The following PVT1 variants were observed in gnomAD, a reference collection of about 807,000 sequenced individuals.
PVT1 encodes Pvt1 oncogene, also known as CXCR4/PVT1 fusion.
intron 2 of PVT1, among the ~76,000 whole-genome samples, chr8:127,878,046 A>G (rs1418425014): frequency 6.6e-6 from 1 of 152,178 alleles, no homozygotes; most frequent in African/African-American, 2.4e-5. Context: ...TTCTGTAAAG[A>G]ACTGTCACCT....
intron 2 of PVT1, among the ~76,000 whole-genome samples, chr8:127,845,639 G>C (rs1444588044): frequency 6.6e-6 from 1 of 152,168 alleles, no homozygotes; most frequent in Admixed American, 6.5e-5. Flanking sequence ...TACCGGATGG[G>C]ATTATGCAAG....
chr8:127,975,140 A>G (rs1170467845), intron 3 of PVT1, among the ~76,000 whole-genome samples: 1 of 152,212 alleles, frequency 6.6e-6, no homozygotes, highest in East Asian at 1.9e-4. Context: ...TCGTGCATAT[A>G]ACCTTTTTCT....
At chr8:127,841,071 GCTGTCTTTGAGTC>G (rs1489497272) in intron 2 of PVT1, among the ~76,000 whole-genome samples, 9 of 152,186 alleles carry the variant, frequency 5.9e-5, no homozygotes, top group Admixed American at 5.9e-4. Context: ...AACAATGCTT[GCTGTCTTTGAGTC>G]CTCAGTCCTG....
chr8:128,040,469 T>C (rs1451160019), intron 4 of PVT1, among the ~76,000 whole-genome samples: 1 of 152,218 alleles, frequency 6.6e-6, no homozygotes, highest in Admixed American at 6.5e-5. Flanking sequence ...TCTGTCTCTC[T>C]CTTCAACATA....
intron 2 of PVT1, among the ~76,000 whole-genome samples, chr8:127,806,401 C>T (rs1814529802): frequency 6.6e-6 from 1 of 151,988 alleles, no homozygotes; most frequent in Admixed American, 6.6e-5. Context: ...GCATAGGTTG[C>T]AGTGAACCCA....
chr8:128,013,603 G>A (rs1376589700), intron 4 of PVT1, among the ~76,000 whole-genome samples: 1 of 152,190 alleles, frequency 6.6e-6, no homozygotes, highest in African/African-American at 2.4e-5. Flanking sequence ...GAGGACAGAT[G>A]ATGACAAGAG....
chr8:127,883,040 C>T (rs1361418567), intron 2 of PVT1, among the ~76,000 whole-genome samples: 5 of 145,240 alleles, frequency 3.4e-5, no homozygotes, highest in Admixed American at 7.1e-5. Context: ...CACACTTGCA[C>T]GCACACATGC....
chr8:128,036,128 T>A (rs1000248526), intron 4 of PVT1, among the ~76,000 whole-genome samples: 2 of 152,216 alleles, frequency 1.3e-5, no homozygotes, highest in Non-Finnish European at 2.9e-5. Context: ...CCGAGGTAGA[T>A]CCCTGGAGTC....
At chr8:127,984,827 C>CT (rs1554602033) in intron 3 of PVT1, among the ~76,000 whole-genome samples, 31 of 126,440 alleles carry the variant, frequency 2.5e-4, no homozygotes, top group African/African-American at 7.6e-4. Flanking sequence ...AGGCTGGTTT[C>CT]TTTCTTTTCT....
At chr8:127,914,768 T>G (rs1179054658) in intron 3 of PVT1, among the ~76,000 whole-genome samples, 2 of 151,476 alleles carry the variant, frequency 1.3e-5, no homozygotes, top group African/African-American at 4.9e-5. Flanking sequence ...TAATGGTTGC[T>G]GGGGGCCATG....
chr8:127,829,429 T>C (rs2129694768), intron 2 of PVT1, among the ~76,000 whole-genome samples: 1 of 152,354 alleles, frequency 6.6e-6, no homozygotes, highest in African/African-American at 2.4e-5. Flanking sequence ...GGTAGCCAGT[T>C]CTTCTCTCCT....
intron 5 of PVT1, among the ~76,000 whole-genome samples, chr8:128,086,077 G>A (rs558616070): frequency 2.0e-5 from 3 of 152,332 alleles, no homozygotes; most frequent in African/African-American, 7.2e-5. Context: ...TTTTGCAAAA[G>A]GGATGAAGTC....
At chr8:128,041,172 GTGTT>G (rs1211811838) in intron 4 of PVT1, among the ~76,000 whole-genome samples, 1 of 148,594 alleles carries the variant, frequency 6.7e-6, no homozygotes, top group African/African-American at 2.5e-5. Flanking sequence ...GTTTCTGCAT[GTGTT>G]TGTGTTTTGT....
intron 5 of PVT1, among the ~76,000 whole-genome samples, chr8:128,092,462 C>T (rs1432647891): frequency 6.6e-6 from 1 of 152,188 alleles, no homozygotes; most frequent in African/African-American, 2.4e-5. Context: ...ATGGCAGCCC[C>T]GGCACCCTGG....
intron 4 of PVT1, among the ~76,000 whole-genome samples, chr8:128,029,506 A>G (rs1813363093): frequency 6.6e-6 from 1 of 152,210 alleles, no homozygotes; most frequent in South Asian, 2.1e-4. Context: ...GAAAACTTAA[A>G]AAATACTTGT....
At chr8:127,872,398 G>C (rs957070667) in intron 2 of PVT1, among the ~76,000 whole-genome samples, 1 of 152,224 alleles carries the variant, frequency 6.6e-6, no homozygotes, top group African/African-American at 2.4e-5. Flanking sequence ...GGGTGGCAGA[G>C]AGAGTATCCG....
At chr8:127,809,581 C>T (rs1231623339) in intron 2 of PVT1, among the ~76,000 whole-genome samples, 1 of 152,098 alleles carries the variant, frequency 6.6e-6, no homozygotes, top group Non-Finnish European at 1.5e-5. Context: ...GGTGACCAGC[C>T]TGGAGTCTCT....
intron 3 of PVT1, among the ~76,000 whole-genome samples, chr8:127,985,035 T>TTCC (rs1303288281): frequency 0.17 from 21,525 of 123,680 alleles, 5,254 homozygotes; most frequent in Non-Finnish European, 0.2. Flanking sequence ...CCTTCCTTCC[T>TTCC]TTCCTTCTTT....
At chr8:127,901,938 T>C (rs1432958671) in intron 3 of PVT1, among the ~76,000 whole-genome samples, 1 of 151,616 alleles carries the variant, frequency 6.6e-6, no homozygotes, top group African/African-American at 2.4e-5. Context: ...AAAATATCGT[T>C]AGAAATAGAA....
Sources: allele counts gnomAD v4.1 joint callset (sites outside exome capture counted in the v4.1 genomes callset), GRCh38; gene constraint gnomAD v4.1.1; transcripts MANE v1.5; gene names NCBI Gene and HGNC (gene_info 2026-07-23, HGNC 2026-07-21).